The following BRAF variants were observed in gnomAD, a reference collection of about 807,000 sequenced individuals.
The protein encoded by BRAF is serine/threonine-protein kinase B-raf.
A neutral mutation model predicts 104.6 loss-of-function variants in BRAF; 16 were observed. That is an observed-to-expected ratio of 0.15 (90% CI 0.10 to 0.23). The LOEUF (loss-of-function observed/expected upper bound fraction) is 0.23. BRAF is among the 10% of genes least tolerant of loss of function. The pLI is 1.00. For missense variants in BRAF, 541 were observed against 937.3 expected (o/e 0.58, Z 5.52); for synonymous variants, 310 against 341.6 (o/e 0.91, Z 1.02).
chr7:140,769,877 A>G (rs1464518625), intron 14 of BRAF, among the ~76,000 whole-genome samples: 3 of 152,148 alleles, frequency 2.0e-5, no homozygotes, highest in Non-Finnish European at 2.9e-5. Context: ...ATCCAGACCA[A>G]TTTTTCACTA....
At chr7:140,733,120 C>T (rs997846532) in intron 19 of BRAF, 1 of 152,044 alleles carries the variant, frequency 6.6e-6, no homozygotes, top group African/African-American at 2.4e-5. Flanking sequence ...TTAAGCTACC[C>T]AAATGAGGGG....
intron 2 of BRAF, among the ~76,000 whole-genome samples, chr7:140,848,532 T>C (rs966790731): frequency 1.3e-5 from 2 of 152,192 alleles, no homozygotes; most frequent in African/African-American, 4.8e-5. Flanking sequence ...GAGGGGGCAG[T>C]GAATCACTGC....
intron 1 of BRAF, among the ~76,000 whole-genome samples, chr7:140,863,862 C>T (rs947314040): frequency 7.2e-5 from 11 of 152,214 alleles, no homozygotes; most frequent in African/African-American, 2.7e-4. Context: ...TCTGTAGAGC[C>T]TGCAGAACCG....
chr7:140,765,142 C>T lies in BRAF; in HGVS notation c.1815-10909G>A, dbSNP rs561774203. On this transcript the variant is annotated intron_variant, in intron 14 of 19. Transcript: ENST00000644969. The stretch of plus-strand genomic sequence containing the variant: ...CAGAACAGAGCCCTCAGAAATAACG[C>T]CACATATCTACAACTATCTGATCTT... Among the ~76,000 whole-genome samples the T allele has an allele frequency of 4.0e-3, 610 of 152,126 alleles. 6 individuals are homozygous for T. The highest frequency in any genetic ancestry group is 0.014 in the African/African-American group (565 of 41,490).
chr7:140,746,570 C>G (rs2128992041), intron 17 of BRAF, among the ~76,000 whole-genome samples: 1 of 152,244 alleles, frequency 6.6e-6, no homozygotes, highest in African/African-American at 2.4e-5. Context: ...GTGGTTCACG[C>G]CTGTAATCCC....
Position 140,808,874 on chromosome 7 carries a change from G to A in BRAF, c.608+18C>T, listed in dbSNP as rs764984248. 49 of 1,587,654 alleles carry A rather than the reference G, an allele frequency of 3.1e-5. No individual in the cohort carries two copies. Among genetic ancestry groups the A allele is most frequent in the East Asian group, 2.0e-4 (9 of 44,696 alleles). ...ATTTTCTTTTTAAACAAAATTTCACGTCACATACAAACCATACCCATCCTG... is the reference window on the plus strand; with the variant it reads ...ATTTTCTTTTTAAACAAAATTTCACATCACATACAAACCATACCCATCCTG... On this transcript the variant is annotated intron_variant, in intron 4 of 19. Transcript: ENST00000644969.
intron 1 of BRAF, among the ~76,000 whole-genome samples, chr7:140,876,099 T>C (rs981380149): frequency 2.0e-5 from 3 of 152,098 alleles, no homozygotes; most frequent in East Asian, 3.9e-4. Context: ...GTAAAAACAA[T>C]AGCATTGCCC....
chr7:140,761,756 A>C (rs1329072241), intron 14 of BRAF, among the ~76,000 whole-genome samples: 2 of 152,224 alleles, frequency 1.3e-5, no homozygotes, highest in Admixed American at 6.5e-5. Flanking sequence ...CTGATAAAAC[A>C]GACTTTAAAC....
At chr7:140,829,417 C>T (rs188093758) in intron 3 of BRAF, among the ~76,000 whole-genome samples, 1 of 150,294 alleles carries the variant, frequency 6.7e-6, no homozygotes, top group African/African-American at 2.5e-5. Flanking sequence ...AAGATGTGGG[C>T]CCAATTTTAT....
intron 3 of BRAF, among the ~76,000 whole-genome samples, chr7:140,809,644 T>C (rs2129048740): frequency 6.6e-6 from 1 of 152,284 alleles, no homozygotes; most frequent in Middle Eastern, 3.4e-3. Context: ...GCTATATATA[T>C]GACCCAAACA....
intron 1 of BRAF, among the ~76,000 whole-genome samples, chr7:140,919,895 T>C (rs1313079138): frequency 3.3e-5 from 5 of 151,824 alleles, no homozygotes; most frequent in African/African-American, 1.2e-4. Context: ...CAGGCTAGAG[T>C]GCAGTGGTGC....
At chr7:140,882,215 T>C (rs1421604753) in intron 1 of BRAF, among the ~76,000 whole-genome samples, 1 of 152,198 alleles carries the variant, frequency 6.6e-6, no homozygotes, top group African/African-American at 2.4e-5. Flanking sequence ...ATCCTTTCTA[T>C]TGGGTGGCAA....
intron 2 of BRAF, among the ~76,000 whole-genome samples, chr7:140,844,548 T>C (rs1029574837): frequency 7.9e-5 from 12 of 152,242 alleles, no homozygotes; most frequent in Non-Finnish European, 1.6e-4. Flanking sequence ...GATATCAGTA[T>C]TAACCAAAGC....
chr7:140,725,926 T>A lies in BRAF; in HGVS notation c.*568A>T, dbSNP rs1359197197. ...CCTCCATTTAAATAAAATAGTTTCC[T>A]TTTGATAAAATCTGTCAAGGCCTGA... On this transcript the variant is annotated 3_prime_UTR_variant, in exon 20 of 20. Coordinates refer to ENST00000644969, the MANE Select transcript of BRAF (RefSeq NM_001374258.1). 22 of 1,063,154 alleles carry A rather than the reference T, an allele frequency of 2.1e-5. No homozygotes were observed. The highest frequency in any genetic ancestry group is 2.4e-5 in the Non-Finnish European group (21 of 878,148). 65.9% of individuals were successfully genotyped at this position (1,063,154 alleles called of 1,614,324 possible). A position where few individuals can be genotyped will look rare whatever the true frequency, so the allele number is the denominator to read the frequency against.
intron 7 of BRAF, among the ~76,000 whole-genome samples, chr7:140,795,017 G>T (rs961366618): frequency 5.3e-5 from 8 of 152,154 alleles, no homozygotes; most frequent in Admixed American, 3.9e-4. Flanking sequence ...GATCCTCAGA[G>T]TGCCAATATC....
intron 1 of BRAF, among the ~76,000 whole-genome samples, chr7:140,902,904 T>G (rs1157695640): frequency 6.6e-6 from 1 of 150,802 alleles, no homozygotes; most frequent in African/African-American, 2.4e-5. Context: ...CTTCAAAGCT[T>G]CAAAGGACAG....
At chr7:140,922,252 A>G (rs1818304423) in intron 1 of BRAF, among the ~76,000 whole-genome samples, 1 of 152,202 alleles carries the variant, frequency 6.6e-6, no homozygotes, top group African/African-American at 2.4e-5. Flanking sequence ...ATGCTTTCCA[A>G]TTACTGGCAA....
intron 5 of BRAF, among the ~76,000 whole-genome samples, chr7:140,805,126 T>A (rs1163589138): frequency 6.6e-6 from 1 of 152,244 alleles, no homozygotes; most frequent in African/African-American, 2.4e-5. Flanking sequence ...CACATTTATT[T>A]ACACATTCTG....
At chr7:140,824,009 T>C (rs907495332) in intron 3 of BRAF, 2 of 152,228 alleles carry the variant, frequency 1.3e-5, no homozygotes, top group Non-Finnish European at 2.9e-5. Flanking sequence ...AACAAGGTTG[T>C]ATGCTATTAC....
Sources: gnomAD v4.1 joint callset for allele counts (sites outside exome capture counted in the v4.1 genomes callset) on GRCh38, gnomAD v4.1.1 for gene constraint, MANE v1.5 for transcripts, NCBI Gene and HGNC (gene_info 2026-07-23, HGNC 2026-07-21) for gene names.